Variants in CTNND2 observed in about 807,000 individuals in gnomAD.
The protein encoded by CTNND2 is catenin delta-2.
CTNND2 carries 22 observed loss-of-function variants against 144.4 expected under a neutral mutation model. That is an observed-to-expected ratio of 0.15 (90% CI 0.11 to 0.22). CTNND2 has a LOEUF of 0.22. CTNND2 is among the 10% of genes least tolerant of loss of function. CTNND2 has a pLI of 1.00. For synonymous variants in CTNND2, 751 were observed against 695.6 expected (o/e 1.08, Z -1.25); for missense variants, 1,353 against 1,618.8 (o/e 0.84, Z 2.82).
chr5:11,056,868 G>C (rs1442653866), intron 16 of CTNND2, among the ~76,000 whole-genome samples: 1 of 152,242 alleles, frequency 6.6e-6, no homozygotes, highest in Non-Finnish European at 1.5e-5. Context: ...TCTATAGATA[G>C]AGAGAAGCTC....
At chr5:11,753,746 G>C (rs1788752963) in intron 1 of CTNND2, among the ~76,000 whole-genome samples, 2 of 151,786 alleles carry the variant, frequency 1.3e-5, no homozygotes, top group African/African-American at 4.8e-5. Flanking sequence ...AGTAGGATTG[G>C]TACCAGCTCT....
At chr5:11,025,104 T>TG (rs1283542065) in intron 16 of CTNND2, among the ~76,000 whole-genome samples, 5 of 151,800 alleles carry the variant, frequency 3.3e-5, no homozygotes, top group African/African-American at 1.2e-4. Flanking sequence ...ACTAGGCAAT[T>TG]GGAGATTTTT....
At chr5:11,633,547 G>A (rs1781517836) in intron 2 of CTNND2, among the ~76,000 whole-genome samples, 1 of 152,158 alleles carries the variant, frequency 6.6e-6, no homozygotes, top group African/African-American at 2.4e-5. Flanking sequence ...GGAGGCCAGA[G>A]TGGGTGGTTC....
intron 20 of CTNND2, among the ~76,000 whole-genome samples, chr5:10,987,689 T>TTCCCCTCCCCACC (rs1738169061): frequency 1.3e-5 from 1 of 78,048 alleles, no homozygotes; most frequent in Non-Finnish European, 2.5e-5. Flanking sequence ...CCCCACTCTA[T>TTCCCCTCCCCACC]TCCCCTCCCC....
intron 18 of CTNND2, among the ~76,000 whole-genome samples, chr5:11,007,769 C>T (rs1158316626): frequency 6.6e-6 from 1 of 152,188 alleles, no homozygotes; most frequent in African/African-American, 2.4e-5. Context: ...TTTATAAAAA[C>T]TGGGCACAGA....
chr5:11,290,839 G>A (rs763876789), intron 9 of CTNND2, among the ~76,000 whole-genome samples: 5 of 152,096 alleles, frequency 3.3e-5, no homozygotes, highest in Non-Finnish European at 5.9e-5. Context: ...AACCTTCGTT[G>A]TTTATTTAAC....
intron 1 of CTNND2, among the ~76,000 whole-genome samples, chr5:11,796,434 C>G (rs774353680): frequency 2.0e-5 from 3 of 152,142 alleles, no homozygotes; most frequent in Non-Finnish European, 4.4e-5. Context: ...TCCCATAGAG[C>G]CTTATCTGAG....
chr5:11,848,601 C>T (rs1255366842), intron 1 of CTNND2, among the ~76,000 whole-genome samples: 3 of 151,982 alleles, frequency 2.0e-5, no homozygotes, highest in African/African-American at 7.3e-5. Context: ...GACATGTTGC[C>T]CTTCACTTTG....
intron 2 of CTNND2, among the ~76,000 whole-genome samples, chr5:11,696,119 A>AT (rs1785128797): frequency 6.6e-6 from 1 of 152,218 alleles, no homozygotes; most frequent in South Asian, 2.1e-4. Flanking sequence ...GATAGTACAT[A>AT]TATTTGGATT....
intron 2 of CTNND2, among the ~76,000 whole-genome samples, chr5:11,653,070 C>CGTGTGTGTGTGTGT (rs58056553): frequency 7.0e-6 from 1 of 143,502 alleles, no homozygotes; most frequent in African/African-American, 2.6e-5. Context: ...GAACAAAATT[C>CGTGTGTGTGTGTGT]GTGTGTGTGT....
chr5:11,253,186 A>T (rs1743847453), intron 9 of CTNND2, among the ~76,000 whole-genome samples: 1 of 152,104 alleles, frequency 6.6e-6, no homozygotes, highest in South Asian at 2.1e-4. Flanking sequence ...TTCTTTCATG[A>T]TCTGTCTCTA....
In CTNND2 at chr5:11,818,397, T is replaced by C. The variant is rs552959279; in HGVS notation, c.37+85420A>G. 2.1e-3 allele frequency among the ~76,000 whole-genome samples: 316 copies of C among 151,864 alleles called. 2 individuals carry two copies. The highest frequency in any genetic ancestry group is 7.1e-3 in the African/African-American group (295 of 41,426). On this transcript the variant is annotated intron_variant, in intron 1 of 21. Transcript: ENST00000304623. ...TTTTTTCTTCTTTTCTTTTTTTTTT[T>C]CCTCGCTGTCACCCAAGCAGGAGTG... is the stretch of plus-strand genomic sequence containing the variant.
intron 9 of CTNND2, among the ~76,000 whole-genome samples, chr5:11,334,896 A>G (rs1753582712): frequency 1.3e-5 from 2 of 152,230 alleles, no homozygotes; most frequent in South Asian, 4.1e-4. Context: ...AAGTGTCCCT[A>G]GAATACTGAA....
intron 1 of CTNND2, among the ~76,000 whole-genome samples, chr5:11,768,554 G>C (rs561326193): frequency 1.7e-4 from 26 of 152,284 alleles, no homozygotes; most frequent in African/African-American, 6.0e-4. Flanking sequence ...GCCTCCCAAA[G>C]TGCTAGGATT....
chr5:11,482,529 C>T lies in CTNND2; in HGVS notation c.288-70460G>A, dbSNP rs369828762. Reference sequence around the variant, plus strand: ...ACATCAAGAATCGCCATTCTCAAGGCGCTAACATTCCAGTGAGGAAGCGGC... The same window carrying T: ...ACATCAAGAATCGCCATTCTCAAGGTGCTAACATTCCAGTGAGGAAGCGGC... On this transcript the variant is annotated intron_variant, in intron 3 of 21. Coordinates refer to ENST00000304623, the MANE Select transcript of CTNND2 (RefSeq NM_001332.4). 1.8e-4 allele frequency among the ~76,000 whole-genome samples: 27 copies of T among 152,012 alleles called. 1 individual carries two copies. Among genetic ancestry groups the T allele is most frequent in the Admixed American group, 1.3e-3 (20 of 15,252 alleles).
At chr5:11,297,644 GA>G (rs1315865850) in intron 9 of CTNND2, among the ~76,000 whole-genome samples, 1 of 152,044 alleles carries the variant, frequency 6.6e-6, no homozygotes, top group Non-Finnish European at 1.5e-5. Context: ...TAAATATTAA[GA>G]GATGTAACTC....
intron 3 of CTNND2, among the ~76,000 whole-genome samples, chr5:11,490,400 C>T (rs1769276356): frequency 6.6e-6 from 1 of 152,048 alleles, no homozygotes; most frequent in African/African-American, 2.4e-5. Flanking sequence ...TAATTTATTT[C>T]ATAGCTTTTG....
At chr5:11,286,151 A>G (rs1747730168) in intron 9 of CTNND2, among the ~76,000 whole-genome samples, 1 of 152,140 alleles carries the variant, frequency 6.6e-6, no homozygotes, top group Non-Finnish European at 1.5e-5. Flanking sequence ...TAAATAAGAA[A>G]ATAAAGGAGC....
intron 15 of CTNND2, chr5:11,083,846 C>A (rs1749859803): frequency 9.2e-7 from 1 of 1,088,884 alleles, no homozygotes; most frequent in Middle Eastern, 2.8e-4. Context: ...CCCCCCTTCC[C>A]CCATGGGGGC....
Sources: allele counts gnomAD v4.1 joint callset (sites outside exome capture counted in the v4.1 genomes callset), GRCh38; gene constraint gnomAD v4.1.1; transcripts MANE v1.5; gene names NCBI Gene and HGNC (gene_info 2026-07-23, HGNC 2026-07-21).